CNNM2: variants seen among roughly 807,000 people sequenced by gnomAD.
The protein encoded by CNNM2 is cyclin and CBS domain divalent metal cation transport mediator 2.
A neutral mutation model predicts 66.9 loss-of-function variants in CNNM2; 12 were observed. The observed-to-expected ratio is 0.18, with a 90% CI of 0.11 to 0.29. The LOEUF is 0.29. Ranked by LOEUF, CNNM2 falls within the 10% of genes least tolerant of loss-of-function variation. CNNM2 has a pLI of 1.00. For synonymous variants in CNNM2, 557 were observed against 501.8 expected (o/e 1.11, Z -1.47); for missense variants, 705 against 1,167.7 (o/e 0.60, Z 5.77).
intron 1 of CNNM2, among the ~76,000 whole-genome samples, chr10:103,005,127 C>G (rs933139125): frequency 1.3e-5 from 2 of 151,572 alleles, no homozygotes; most frequent in Admixed American, 6.6e-5. Flanking sequence ...GTTGGCCAGG[C>G]TGGTCTCGAA....
chr10:102,969,124 A>T (rs909007963), intron 1 of CNNM2, among the ~76,000 whole-genome samples: 1 of 151,580 alleles, frequency 6.6e-6, no homozygotes, highest in Non-Finnish European at 1.5e-5. Context: ...CATGTTGTCC[A>T]GGCTAGTTTT....
intron 1 of CNNM2, 103 bp downstream of exon 1, chr10:102,920,204 C>T (rs961645419): frequency 8.1e-6 from 13 of 1,606,790 alleles, no homozygotes; most frequent in Non-Finnish European, 1.0e-5. Context: ...GCGAGTTGAC[C>T]GGGATTTCTC....
chr10:103,049,539 T>C (rs1362254253), intron 1 of CNNM2, among the ~76,000 whole-genome samples, 168 bp from the exon 2 acceptor site: 1 of 152,228 alleles, frequency 6.6e-6, no homozygotes, highest in Non-Finnish European at 1.5e-5. Flanking sequence ...TAATGGCTCT[T>C]GAAGTTCTTC....
rs7083328 is a variant in CNNM2, at chr10:103,009,511, G to A, written c.1622-40196G>A. On this transcript the variant is annotated intron_variant, in intron 1 of 7. Coordinates refer to ENST00000369878, the MANE Select transcript of CNNM2 (RefSeq NM_017649.5). ...ATTTGAGACCAGCCTGGGCAACACC[G>A]TGAGACACTTGTCTACAAAATTTTT... Among the ~76,000 whole-genome samples, 15,836 of 151,764 alleles carry A rather than the reference G, an allele frequency of 0.1. 849 individuals carry two copies. Among genetic ancestry groups the A allele is most frequent in the Middle Eastern group, 0.18 (52 of 294 alleles).
chr10:102,972,704 C>T (rs2063564826), intron 1 of CNNM2, among the ~76,000 whole-genome samples: 1 of 152,152 alleles, frequency 6.6e-6, no homozygotes, highest in African/African-American at 2.4e-5. Flanking sequence ...AAACAGATTT[C>T]ATTGCCTCTT....
At chr10:103,024,593 C>T (rs563957731) in intron 1 of CNNM2, among the ~76,000 whole-genome samples, 2 of 152,222 alleles carry the variant, frequency 1.3e-5, no homozygotes, top group Admixed American at 6.5e-5. Flanking sequence ...ATTCTCCTGC[C>T]TCAGCCTCCC....
rs937779973 is a variant in CNNM2, at chr10:102,988,331, C to T, written c.1622-61376C>T. ...AATAATAATAGAAATATTGAAAAGG[C>T]GTGGGACAAAGATAGGGTCTCAAGA... On this transcript the variant is annotated intron_variant, in intron 1 of 7. Coordinates refer to ENST00000369878, the MANE Select transcript of CNNM2 (RefSeq NM_017649.5). 2.0e-5 allele frequency among the ~76,000 whole-genome samples: 3 copies of T among 151,784 alleles called. No individual in the cohort carries two copies. The South Asian group carries it at 6.2e-4, about 32-fold the overall frequency.
chr10:102,958,724 C>T (rs1847144512), intron 1 of CNNM2, among the ~76,000 whole-genome samples: 1 of 151,976 alleles, frequency 6.6e-6, no homozygotes, highest in Admixed American at 6.6e-5. Flanking sequence ...CATGCCTTGG[C>T]CTCCCAAAGT....
intron 4 of CNNM2, among the ~76,000 whole-genome samples, chr10:103,059,546 A>C (rs552680719): frequency 7.7e-4 from 118 of 152,320 alleles, no homozygotes; most frequent in African/African-American, 2.7e-3. Flanking sequence ...AAAAAGCCAA[A>C]ACTTCAAGTT....
chr10:102,973,087 T>C (rs2063570786), intron 1 of CNNM2, among the ~76,000 whole-genome samples: 1 of 152,192 alleles, frequency 6.6e-6, no homozygotes, highest in East Asian at 1.9e-4. Flanking sequence ...CTTGGAGAAG[T>C]TGGATAATTT....
intron 1 of CNNM2, 121 bp downstream of exon 1, chr10:102,920,222 C>G (rs527766362): frequency 1.7e-5 from 27 of 1,592,472 alleles, no homozygotes; most frequent in African/African-American, 9.4e-5. Context: ...CTCCTTCTCC[C>G]TCTTAATTGC....
At chr10:102,947,654 G>A (rs1265092900) in intron 1 of CNNM2, among the ~76,000 whole-genome samples, 2 of 152,148 alleles carry the variant, frequency 1.3e-5, no homozygotes, top group African/African-American at 2.4e-5. Context: ...GGGAGGCTGA[G>A]GCAGGAGAAT....
At chr10:103,057,050 A>C (rs1478900080) in intron 4 of CNNM2, 86 bp downstream of exon 4, 1 of 1,337,090 alleles carries the variant, frequency 7.5e-7, no homozygotes, top group Non-Finnish European at 1.0e-6. Flanking sequence ...CACCGTGTAC[A>C]TACTGAACCT....
rs569686862 is a variant in CNNM2 at position 103,080,130 on chromosome 10, G to A, written c.*2950G>A. ...ACCTTTTCAAGTGTGGAAGGGAGTG[G>A]GTCGAGTGGACCAGATGCAGACCCC... On this transcript the variant is annotated 3_prime_UTR_variant, in exon 8 of 8. Transcript: ENST00000369878. The A allele has an allele frequency of 2.0e-5, 3 of 152,330 alleles. No individual in the cohort carries two copies. Among genetic ancestry groups the A allele is most frequent in the African/African-American group, 7.2e-5 (3 of 41,550 alleles). 9.4% of individuals were successfully genotyped at this position (152,330 alleles called of 1,614,324 possible).
intron 1 of CNNM2, among the ~76,000 whole-genome samples, chr10:103,005,739 A>AT (rs1175123481): frequency 2.0e-5 from 3 of 152,018 alleles, no homozygotes; most frequent in Non-Finnish European, 4.4e-5. Context: ...ATATTACTTT[A>AT]TTTTTTTGAG....
rs1564894113 is a variant in CNNM2 at position 103,089,687 on chromosome 10, CTCCTCCTCT to C, written c.*12510_*12518del. 1.8e-5 allele frequency: 29 copies of C among 1,606,550 alleles called. No individual in the cohort carries two copies. The highest frequency in any genetic ancestry group is 2.2e-5 in the East Asian group (1 of 44,820). ...GTTTTCCTCCTTATTCTTCCTCCTC[CTCCTCCTCT>C]TCATCATCATCTTCGTCATGGCAGT... On this transcript the variant is annotated 3_prime_UTR_variant, in exon 8 of 8. Transcript: ENST00000369878.
At chr10:102,923,610 G>A (rs1845737647) in intron 1 of CNNM2, among the ~76,000 whole-genome samples, 1 of 152,150 alleles carries the variant, frequency 6.6e-6, no homozygotes, top group South Asian at 2.1e-4. Context: ...CAATAGAAAA[G>A]AAATGTGTTT....
At chr10:102,935,860 C>G (rs1345943698) in intron 1 of CNNM2, among the ~76,000 whole-genome samples, 1 of 147,538 alleles carries the variant, frequency 6.8e-6, no homozygotes, top group Non-Finnish European at 1.5e-5. Flanking sequence ...CTCAAGCAGT[C>G]CTTCCACCTT....
At chr10:102,963,905 A>G (rs2063421349) in intron 1 of CNNM2, among the ~76,000 whole-genome samples, 1 of 152,166 alleles carries the variant, frequency 6.6e-6, no homozygotes. Flanking sequence ...TCGTTAAGGA[A>G]TCGTGTTTTC....
Sources: gnomAD v4.1 joint callset for allele counts (sites outside exome capture counted in the v4.1 genomes callset) on GRCh38, gnomAD v4.1.1 for gene constraint, MANE v1.5 for transcripts, NCBI Gene and HGNC (gene_info 2026-07-23, HGNC 2026-07-21) for gene names.